ROCK2: variants seen among roughly 807,000 people sequenced by gnomAD.
ROCK2 encodes rho-associated protein kinase 2.
ROCK2 carries 61 observed loss-of-function variants against 195.1 expected under a neutral mutation model. The observed-to-expected ratio is 0.31, with a 90% CI of 0.25 to 0.39. The LOEUF (loss-of-function observed/expected upper bound fraction) is 0.39, where lower values mean the gene tolerates loss of function less well. Ranked by LOEUF, ROCK2 falls within the 10% of genes least tolerant of loss-of-function variation. ROCK2 has a pLI of 1.00. For synonymous variants in ROCK2, 504 were observed against 545.5 expected (o/e 0.92, Z 1.06); for missense variants, 1,109 against 1,637.4 (o/e 0.68, Z 5.57).
Position 11,253,844 on chromosome 2 carries a change from C to T in ROCK2, c.325-4046G>A, listed in dbSNP as rs143079440. On this transcript the variant is annotated intron_variant, in intron 3 of 32. Transcript: ENST00000315872. The stretch of plus-strand genomic sequence containing the variant: ...ATACTATCCACATGTACAGCTAATA[C>T]TTATATTGATGAAAATAAGGTAAAC... 2.7e-3 allele frequency among the ~76,000 whole-genome samples: 414 copies of T among 152,342 alleles called. 4 individuals carry two copies. Among genetic ancestry groups the T allele is most frequent in the Non-Finnish European group, 3.5e-3 (237 of 68,036 alleles).
intron 3 of ROCK2, 57 bp downstream of exon 3, chr2:11,286,482 A>G: frequency 1.8e-6 from 2 of 1,110,708 alleles, no homozygotes; most frequent in South Asian, 1.3e-5. Flanking sequence ...TGCTATTGAT[A>G]ATGCTTCACA....
Position 11,211,692 on chromosome 2 carries a change from T to A in ROCK2, c.2192A>T (p.Glu731Val). 9 of 1,603,874 alleles carry A rather than the reference T, an allele frequency of 5.6e-6. No homozygotes were observed. The highest frequency in any genetic ancestry group is 7.7e-6 in the Non-Finnish European group (9 of 1,176,088). The part of the protein sequence containing the change: ...IYESIEEAKS[E>V]AMKEMEKKLL... Reference sequence around the variant, plus strand: ...TAAAAAATGCATACCTTTCATGGCTTCTGATTTGGCTTCTTCGATGGACTC... The same window carrying A: ...TAAAAAATGCATACCTTTCATGGCTACTGATTTGGCTTCTTCGATGGACTC... Residue 731 changes from glutamate (E) to valine (V), a missense_variant, in exon 18 of 33, where the codon GAA becomes GTA. By Grantham distance (121) the Glu-to-Val change is moderately radical (BLOSUM62 -2). Around this residue, in one of 6 missense-constraint regions of ROCK2, gnomAD observed 542 missense variants for 672.0 expected, o/e 0.81. Coordinates refer to ENST00000315872, the MANE Select transcript of ROCK2 (RefSeq NM_004850.5).
chr2:11,270,032 G>A lies in ROCK2; in HGVS notation c.324+16507C>T, dbSNP rs546099781. 2.6e-5 allele frequency among the ~76,000 whole-genome samples: 4 copies of A among 152,112 alleles called. No homozygotes were observed. In the South Asian group the frequency reaches 6.2e-4, roughly 24 times the overall value. Reference sequence around the variant, plus strand: ...GCCTCCCAAAGTGCCAGGATTACACGTATGAGCTACTGCACCCAGCCACCC... The same window carrying A: ...GCCTCCCAAAGTGCCAGGATTACACATATGAGCTACTGCACCCAGCCACCC... On this transcript the variant is annotated intron_variant, in intron 3 of 32. Transcript: ENST00000315872.
At position 11,201,521 on chromosome 2, in the gene ROCK2, T is replaced by C; in HGVS notation, c.2620-108A>G. The C allele has an allele frequency of 1.5e-6, 1 of 672,028 alleles. No homozygotes were observed. Among genetic ancestry groups the C allele is most frequent in the Non-Finnish European group, 2.6e-6 (1 of 381,070 alleles). 41.6% of individuals were successfully genotyped at this position (672,028 alleles called of 1,614,324 possible). ...GAATGAACACATACAAATATTTTCT[T>C]ACTGCTAAGTCCCCGAGCAAATGAA... On this transcript the variant is annotated intron_variant, in intron 21 of 32. Coordinates refer to ENST00000315872, the MANE Select transcript of ROCK2 (RefSeq NM_004850.5). This position sits in a 1 kb window ranked among gnomAD's most constrained non-coding sequence, Gnocchi z 4.6.
intron 1 of ROCK2, among the ~76,000 whole-genome samples, chr2:11,329,107 A>AT (rs1263478606): frequency 5.9e-5 from 9 of 151,926 alleles, no homozygotes; most frequent in Admixed American, 2.6e-4. Flanking sequence ...AAACAAAAAA[A>AT]AATACACTTG....
chr2:11,211,945 AC>A, intron 17 of ROCK2, 105 bp from the exon 18 acceptor site: 1 of 845,246 alleles, frequency 1.2e-6, no homozygotes, highest in Non-Finnish European at 1.7e-6. Flanking sequence ...TTGCTCTGTT[AC>A]CCAGGCTGAA....
intron 15 of ROCK2, 54 bp downstream of exon 15, chr2:11,215,267 T>G: frequency 6.9e-7 from 1 of 1,444,440 alleles, no homozygotes; most frequent in Non-Finnish European, 9.4e-7. Context: ...AAAACTAATG[T>G]TATCGCGTTA....
intron 27 of ROCK2, among the ~76,000 whole-genome samples, chr2:11,195,672 G>A (rs1371282953): frequency 1.3e-5 from 2 of 152,034 alleles, no homozygotes; most frequent in Admixed American, 6.5e-5. Context: ...GCGCCAGCAC[G>A]CCCAGCTATT....
Position 11,235,294 on chromosome 2 carries a change from ATTTC to A in ROCK2, c.723+404_723+407del, listed in dbSNP as rs1299729761. ...GAGTGACGAGGAGGTTGTAACATAA[ATTTC>A]TTTACTTACTTTTACCTCCTCTTAA... On this transcript the variant is annotated intron_variant, in intron 5 of 32. Coordinates refer to ENST00000315872, the MANE Select transcript of ROCK2 (RefSeq NM_004850.5). The surrounding 1 kb of genome is among the most constrained non-coding windows in gnomAD (Gnocchi z 4.2). Among the ~76,000 whole-genome samples the A allele has an allele frequency of 6.6e-6, 1 of 152,184 alleles. No individual in the cohort carries two copies. The highest frequency in any genetic ancestry group is 1.5e-5 in the Non-Finnish European group (1 of 68,006).
intron 4 of ROCK2, among the ~76,000 whole-genome samples, chr2:11,248,079 T>G (rs930530648): frequency 6.6e-6 from 1 of 152,048 alleles, no homozygotes; most frequent in Non-Finnish European, 1.5e-5. Context: ...TTAGTTTCAC[T>G]GTACATATCA....
rs573533033 is a variant in ROCK2, at chr2:11,271,820, G to A, written c.324+14719C>T. On this transcript the variant is annotated intron_variant, in intron 3 of 32. Coordinates refer to ENST00000315872, the MANE Select transcript of ROCK2 (RefSeq NM_004850.5). ...AGGCGGGCGGATCACAAGGTCAGGA[G>A]ATCGAGACCATCCTGGCTAACACGG... Among the ~76,000 whole-genome samples the A allele has an allele frequency of 1.6e-3, 240 of 152,202 alleles. 1 individual carries two copies. Among genetic ancestry groups the A allele is most frequent in the African/African-American group, 5.4e-3 (225 of 41,532 alleles).
chr2:11,306,425 C>T (rs4669708), intron 1 of ROCK2, among the ~76,000 whole-genome samples: 49,136 of 152,046 alleles, frequency 0.32, 8,207 homozygotes, highest in East Asian at 0.54. Flanking sequence ...TTTCTCCTTA[C>T]CACTTATCAC....
At chr2:11,275,535 G>A (rs1241836745) in intron 3 of ROCK2, among the ~76,000 whole-genome samples, 1 of 152,014 alleles carries the variant, frequency 6.6e-6, no homozygotes, top group Non-Finnish European at 1.5e-5. Flanking sequence ...ATATTAAAAG[G>A]TTTCCACATC....
chr2:11,211,061 CA>C (rs1336258582), intron 18 of ROCK2, among the ~76,000 whole-genome samples: 1 of 152,138 alleles, frequency 6.6e-6, no homozygotes, highest in African/African-American at 2.4e-5. Context: ...TCATTATAAA[CA>C]GTCAGTTTGG....
chr2:11,231,548 A>C (rs536231645), intron 5 of ROCK2, among the ~76,000 whole-genome samples: 1 of 152,292 alleles, frequency 6.6e-6, no homozygotes, highest in Non-Finnish European at 1.5e-5. Flanking sequence ...AAGTGGTCTT[A>C]AAAGGAGGTA....
At chr2:11,278,967 G>A (rs1316790637) in intron 3 of ROCK2, among the ~76,000 whole-genome samples, 3 of 150,510 alleles carry the variant, frequency 2.0e-5, no homozygotes, top group African/African-American at 7.3e-5. Context: ...TAAAACTCTA[G>A]GGCAAACACT....
chr2:11,344,284 G>C lies in ROCK2; in HGVS notation c.-148C>G. 4 of 1,257,424 alleles carry C rather than the reference G, an allele frequency of 3.2e-6. No individual in the cohort carries two copies. The highest frequency in any genetic ancestry group is 4.0e-6 in the Non-Finnish European group (4 of 1,003,358). The allele number at this position is 1,257,424 out of a possible 1,614,324, so 77.9% of individuals were successfully genotyped here. A position where few individuals can be genotyped will look rare whatever the true frequency, so the allele number is the denominator to read the frequency against. On this transcript the variant is annotated 5_prime_UTR_variant, in exon 1 of 33. Transcript: ENST00000315872. This position sits in a 1 kb window ranked among gnomAD's most constrained non-coding sequence, Gnocchi z 5.4. ...AGCTCCGGCTTCGGGTCTCCAAGGC[G>C]GTCCCCCGCCTGGGGGCTGCTCCCA...
At chr2:11,345,072 G>A (rs955517149), upstream of ROCK2, among the ~76,000 whole-genome samples, 4 of 152,130 alleles carry the variant, frequency 2.6e-5, no homozygotes, top group Middle Eastern at 6.8e-3. Context: ...GCAGCTATGC[G>A]GGCCTCGCCT....
intron 3 of ROCK2, among the ~76,000 whole-genome samples, chr2:11,268,356 T>C (rs1329984601): frequency 3.9e-5 from 6 of 152,156 alleles, no homozygotes; most frequent in Non-Finnish European, 4.4e-5. Context: ...ACAGTAAATA[T>C]TGGAGAAAAA....
Sources: gnomAD v4.1 joint callset for allele counts (sites outside exome capture counted in the v4.1 genomes callset) on GRCh38, gnomAD v4.1.1 for gene constraint, gnomAD v4.1.1 regional missense constraint, Gnocchi (gnomAD v3.1) non-coding constraint, MANE v1.5 for transcripts, NCBI Gene and HGNC (gene_info 2026-07-23, HGNC 2026-07-21) for gene names.